The following ACSM6 variants were observed in gnomAD, a reference collection of about 807,000 sequenced individuals.
ACSM6 encodes acyl-coenzyme A synthetase ACSM6, mitochondrial.
Under a neutral mutation model 51.1 loss-of-function variants are expected in ACSM6, and 35 were observed. The observed-to-expected ratio is 0.69, with a 90% CI of 0.52 to 0.91. The LOEUF (loss-of-function observed/expected upper bound fraction) is 0.91, where lower values mean the gene tolerates loss of function less well. Among genes scored for constraint, ACSM6 ranks in the 40% least tolerant of loss-of-function variants. The pLI, the probability that ACSM6 is intolerant of heterozygous loss-of-function variation, is 0.00. For synonymous variants in ACSM6, 172 were observed against 207.3 expected (o/e 0.83, Z 1.46); for missense variants, 509 against 584.1 (o/e 0.87, Z 1.32).
intron 4 of ACSM6, among the ~76,000 whole-genome samples, chr10:95,208,529 G>A (rs907593143): frequency 3.3e-5 from 5 of 152,098 alleles, no homozygotes; most frequent in Admixed American, 1.3e-4. Flanking sequence ...TTAAAATAGC[G>A]AGATGATGCC....
intron 10 of ACSM6, among the ~76,000 whole-genome samples, chr10:95,226,609 C>T (rs1389355794): frequency 2.6e-5 from 4 of 152,096 alleles, no homozygotes; most frequent in South Asian, 2.1e-4. Context: ...GGGTGCAGAA[C>T]GGTGATTTTC....
rs1046739122 is a variant in ACSM6, at chr10:95,213,481, T to G, written c.995+541T>G. 2.0e-5 allele frequency among the ~76,000 whole-genome samples: 3 copies of G among 152,212 alleles called. No homozygotes were observed. In the South Asian group the frequency reaches 6.2e-4, roughly 31 times the overall value. On this transcript the variant is annotated intron_variant, in intron 7 of 10. Transcript: ENST00000341686. The stretch of plus-strand genomic sequence containing the variant: ...TTGGGGTGGGATTATATAGATGGTA[T>G]CTGTTTATATCATAGTGAAACTTGC...
chr10:95,221,071 T>C (rs2034990735), intron 9 of ACSM6, among the ~76,000 whole-genome samples: 1 of 152,112 alleles, frequency 6.6e-6, no homozygotes, highest in Non-Finnish European at 1.5e-5. Flanking sequence ...GTTCCTTGCA[T>C]ACTAAAGTAT....
chr10:95,198,619 CCA>C (rs2034759543), intron 2 of ACSM6, among the ~76,000 whole-genome samples: 1 of 149,468 alleles, frequency 6.7e-6, no homozygotes, highest in Non-Finnish European at 1.5e-5. Flanking sequence ...CCACTGCACT[CCA>C]GCCTGGGCGA....
At chr10:95,226,965 G>T (rs1017579825) in intron 10 of ACSM6, among the ~76,000 whole-genome samples, 3 of 150,678 alleles carry the variant, frequency 2.0e-5, no homozygotes, top group Non-Finnish European at 4.4e-5. Flanking sequence ...GATTTTCAGG[G>T]ATCAGTAAAT....
At chr10:95,198,777 G>C (rs1269861434) in intron 2 of ACSM6, among the ~76,000 whole-genome samples, 2 of 152,158 alleles carry the variant, frequency 1.3e-5, no homozygotes, top group East Asian at 3.9e-4. Context: ...ATATAGTTGT[G>C]TTTGTTGTTA....
intron 9 of ACSM6, among the ~76,000 whole-genome samples, chr10:95,223,878 A>G (rs1384586997): frequency 1.3e-5 from 2 of 152,228 alleles, no homozygotes; most frequent in Non-Finnish European, 2.9e-5. Flanking sequence ...TCAACATGAC[A>G]TGACCATGTA....
rs1014817377 is a variant in ACSM6, at chr10:95,194,799, G to T, written c.192+122G>T. Reference sequence around the variant, plus strand: ...CTAGAAAGTGCAAATTCAGAGAAAAGAAATTATAGCAAAATGACTAAGAAC... The same window carrying T: ...CTAGAAAGTGCAAATTCAGAGAAAATAAATTATAGCAAAATGACTAAGAAC... On this transcript the variant is annotated intron_variant, in intron 2 of 10. Coordinates refer to ENST00000341686, the Ensembl canonical transcript of ACSM6. 1.4e-5 allele frequency: 12 copies of T among 854,626 alleles called. No homozygotes were observed. The African/African-American group carries it at 1.7e-4, about 12-fold the overall frequency. 52.9% of individuals were successfully genotyped at this position (854,626 alleles called of 1,614,324 possible).
In ACSM6 at chr10:95,225,300, A is replaced by C. The variant is rs192368492; in HGVS notation, c.1211A>C (p.Glu404Ala). ...ATTATCTAATTTCAGATTGTGGATG[A>C]AAACTCAAATCTCCTGCCTCCAGGG... is the stretch of plus-strand genomic sequence containing the variant. The change falls in exon 10 of 11, where the codon GAA becomes GCA. Residue 404 changes from glutamate to alanine, a missense_variant. Glu to Ala is a moderately radical substitution (Grantham distance 107). Transcript: ENST00000341686. The C allele has an allele frequency of 8.9e-4, 1,373 of 1,550,866 alleles. 8 individuals are homozygous for C. In the African/African-American group the frequency reaches 0.014, roughly 15 times the overall value.
intron 2 of ACSM6, 198 bp from the exon 3 acceptor site, chr10:95,201,787 G>A (rs2034796489): frequency 3.3e-6 from 2 of 606,140 alleles, no homozygotes; most frequent in Non-Finnish European, 2.9e-6. Flanking sequence ...CTGACATTAT[G>A]TTGAAACCTA....
At chr10:95,195,242 T>C (rs1418499436) in intron 2 of ACSM6, among the ~76,000 whole-genome samples, 2 of 152,178 alleles carry the variant, frequency 1.3e-5, no homozygotes, top group Admixed American at 6.5e-5. Flanking sequence ...GAAATAAGTA[T>C]AAGTATGCCT....
Position 95,210,795 on chromosome 10 carries a change from T to TA in ACSM6, c.755+3dup. ...AATGGGATTCAGCCAGGCTTCCAGG[T>TA]ACGGTTCTCGCACAGCCTGTACAGG... is the stretch of plus-strand genomic sequence containing the variant. On this transcript the variant is annotated splice_region_variant and intron_variant, in intron 5 of 10. Transcript: ENST00000341686. 2.5e-6 allele frequency: 4 copies of TA among 1,613,376 alleles called. No individual in the cohort carries two copies. Among genetic ancestry groups the TA allele is most frequent in the Non-Finnish European group, 1.7e-6 (2 of 1,179,536 alleles).
intron 9 of ACSM6, among the ~76,000 whole-genome samples, chr10:95,223,011 C>G (rs905530936): frequency 4.0e-5 from 6 of 151,786 alleles, no homozygotes; most frequent in Middle Eastern, 3.4e-3. Flanking sequence ...TCAACTATAC[C>G]TCATTAGAGG....
rs2035063527 is a variant in ACSM6, at chr10:95,228,521, G to A, written c.1303-123G>A. ...AGTTTTCTATGTGAGATCCCCTGGA[G>A]AGTGGGGATCCTGACTTATTTTTCT... is the stretch of plus-strand genomic sequence containing the variant. On this transcript the variant is annotated intron_variant, in intron 10 of 10. Transcript: ENST00000341686. 3.2e-6 allele frequency: 3 copies of A among 932,468 alleles called. No homozygotes were observed. The East Asian group carries it at 9.1e-5, about 28-fold the overall frequency. The allele number at this position is 932,468 out of a possible 1,614,324, so 57.8% of individuals were successfully genotyped here. A position where few individuals can be genotyped will look rare whatever the true frequency, so the allele number is the denominator to read the frequency against.
rs771053447 is a variant in ACSM6 at position 95,211,880 on chromosome 10, G to A, written c.758G>A (p.Arg253Gln). Residue 253 changes from arginine to glutamine, a missense_variant and splice_region_variant, in exon 6 of 11, where the codon CGG (arginine) becomes CAG (glutamine). Arg to Gln is a conservative substitution (Grantham distance 43). Coordinates refer to ENST00000341686, the Ensembl canonical transcript of ACSM6. ...ATGGCTTTCCTCTTTCTCTTTAGAC[G>A]GTGGATGGATCTCCAGCCAACAGAT... 11 of 1,600,838 alleles carry A rather than the reference G, an allele frequency of 6.9e-6. No homozygotes were observed. In the African/African-American group the frequency reaches 8.1e-5, roughly 12 times the overall value.
At chr10:95,225,223 T>C (rs183012455) in intron 9 of ACSM6, 67 bp from the exon 10 acceptor site, 69 of 1,135,082 alleles carry the variant, frequency 6.1e-5, no homozygotes, top group East Asian at 5.4e-4. Flanking sequence ...GTTTAGATCT[T>C]GTGGTGTTTT....
Position 95,201,753 on chromosome 10 carries a change from G to A in ACSM6, c.193-232G>A, listed in dbSNP as rs142466228. On this transcript the variant is annotated intron_variant, in intron 2 of 10. Coordinates refer to ENST00000341686, the Ensembl canonical transcript of ACSM6. ...TCACGTTACATGCTGAGTTCTCTCA[G>A]GAGGTTCTTCCCTAGGCTCATGCCT... 4.4e-4 allele frequency: 253 copies of A among 578,420 alleles called. 2 individuals are homozygous for A. In the East Asian group the frequency reaches 7.1e-3, roughly 16 times the overall value. The allele number at this position is 578,420 out of a possible 1,614,324, so 35.8% of individuals were successfully genotyped here.
chr10:95,221,849 A>T (rs1373570289), intron 9 of ACSM6, among the ~76,000 whole-genome samples: 1 of 152,216 alleles, frequency 6.6e-6, no homozygotes, highest in Non-Finnish European at 1.5e-5. Context: ...ACACAGCAAA[A>T]GCATTCCACA....
intron 2 of ACSM6, among the ~76,000 whole-genome samples, chr10:95,200,168 TA>T (rs1446406964): frequency 6.6e-6 from 1 of 151,902 alleles, no homozygotes; most frequent in Non-Finnish European, 1.5e-5. Flanking sequence ...TATGCAGCCA[TA>T]AAAAATGATG....
Sources: allele counts gnomAD v4.1 joint callset (sites outside exome capture counted in the v4.1 genomes callset), GRCh38; gene constraint gnomAD v4.1.1; transcripts MANE v1.5; gene names NCBI Gene and HGNC (gene_info 2026-07-23, HGNC 2026-07-21).